Variants in TBC1D32 observed in about 807,000 individuals in gnomAD.
TBC1D32 encodes protein broad-minded.
TBC1D32 carries 151 observed loss-of-function variants against 170.3 expected under a neutral mutation model. The ratio of observed to expected loss-of-function variants is 0.89; its 90% CI spans 0.78 to 1.01. The LOEUF (loss-of-function observed/expected upper bound fraction) is 1.01. Among genes scored for constraint, TBC1D32 ranks in the 50% least tolerant of loss-of-function variants. The pLI, the probability that TBC1D32 is intolerant of heterozygous loss-of-function variation, is 0.00. For missense variants in TBC1D32, 1,464 were observed against 1,457.1 expected (o/e 1.00, Z -0.08); for synonymous variants, 498 against 488.0 (o/e 1.02, Z -0.27).
At chr6:121,276,285 G>A (rs921273391) in intron 15 of TBC1D32, among the ~76,000 whole-genome samples, 1 of 152,072 alleles carries the variant, frequency 6.6e-6, no homozygotes, top group Non-Finnish European at 1.5e-5. Context: ...TTCTTATAAG[G>A]TCATTGCGCT....
chr6:121,225,045 T>G lies in TBC1D32; in HGVS notation c.2365-1693A>C, dbSNP rs891546834. Reference sequence around the variant, plus strand: ...ATGCCTCTGTAAAGAGAACACTACATGAGAAGTATGCACTATAGAAAAGGA... The same window carrying G: ...ATGCCTCTGTAAAGAGAACACTACAGGAGAAGTATGCACTATAGAAAAGGA... On this transcript the variant is annotated intron_variant, in intron 20 of 31. Coordinates refer to ENST00000398212, the MANE Select transcript of TBC1D32 (RefSeq NM_152730.6). 3.9e-5 allele frequency among the ~76,000 whole-genome samples: 6 copies of G among 151,910 alleles called. 1 individual carries two copies. Among genetic ancestry groups the G allele is most frequent in the African/African-American group, 1.5e-4 (6 of 41,374 alleles).
chr6:121,297,453 A>T (rs983449858), intron 10 of TBC1D32, among the ~76,000 whole-genome samples: 5 of 152,156 alleles, frequency 3.3e-5, no homozygotes, highest in African/African-American at 4.8e-5. Flanking sequence ...AGCAGTAAAA[A>T]TGGCACTACA....
At chr6:121,308,387 G>C (rs1337601333) in intron 4 of TBC1D32, among the ~76,000 whole-genome samples, 1 of 151,966 alleles carries the variant, frequency 6.6e-6, no homozygotes, top group East Asian at 1.9e-4. Context: ...AAGAATGGTA[G>C]TTGAATCAGA....
chr6:121,242,977 T>A (rs1797178872), intron 17 of TBC1D32, among the ~76,000 whole-genome samples: 2 of 151,940 alleles, frequency 1.3e-5, no homozygotes, highest in Admixed American at 6.6e-5. Flanking sequence ...AATACCTAAT[T>A]ACTTTTTACT....
rs1798976002 is a variant in TBC1D32, at chr6:121,256,129, T to G, written c.1890A>C (p.Leu630Phe). 2 of 1,613,828 alleles carry G rather than the reference T, an allele frequency of 1.2e-6. No individual in the cohort carries two copies. The highest frequency in any genetic ancestry group is 1.7e-6 in the Non-Finnish European group (2 of 1,179,966). Reference protein sequence around the residue: ...IYSTCEGLQVLITYNLHESIA... With the variant: ...IYSTCEGLQVFITYNLHESIA... ...TAGATTCATGCAAATTATAAGTGAT[T>G]AACACCTGCAAACCTTCACATGTAC... Residue 630 changes from leucine (L) to phenylalanine (F), a missense_variant, in exon 16 of 32, where the codon TTA becomes TTC. Physicochemically the swap from Leu to Phe is conservative, Grantham distance 22. This residue lies in a region of TBC1D32 where 1,363 missense variants were observed against 1,338.1 expected (regional missense o/e 1.02). Transcript: ENST00000398212.
At chr6:121,101,141 C>T (rs930357181) in intron 30 of TBC1D32, among the ~76,000 whole-genome samples, 4 of 152,002 alleles carry the variant, frequency 2.6e-5, no homozygotes, top group African/African-American at 4.8e-5. Flanking sequence ...GATTCACAGC[C>T]GAATTCTACC....
intron 17 of TBC1D32, among the ~76,000 whole-genome samples, chr6:121,252,570 G>T (rs900867647): frequency 1.4e-4 from 21 of 152,086 alleles, no homozygotes; most frequent in African/African-American, 4.6e-4. Context: ...GGCCTCTCAG[G>T]GGGTGGAGAG....
Position 121,255,367 on chromosome 6 carries a change from G to T in TBC1D32, c.1979C>A (p.Ser660Tyr). ...SERIPTPVEGSDSVSSVSQES... is the reference protein window; with the variant it reads ...SERIPTPVEGYDSVSSVSQES... ...CTGGCTTACTGAAGAAACAGAATCA[G>T]AACCCTCTACTGGAGTAGGAATTCT... The change falls in exon 17 of 32, where the codon TCT becomes TAT. Residue 660 changes from serine (S) to tyrosine (Y), a missense_variant. Ser to Tyr is a moderately radical substitution (Grantham distance 144). This residue lies in a region of TBC1D32 where 1,363 missense variants were observed against 1,338.1 expected (regional missense o/e 1.02). Coordinates refer to ENST00000398212, the MANE Select transcript of TBC1D32 (RefSeq NM_152730.6). 6.5e-7 allele frequency: 1 copy of T among 1,549,360 alleles called. No homozygotes were observed. The highest frequency in any genetic ancestry group is 1.2e-5 in the South Asian group (1 of 80,280).
chr6:121,233,354 G>A (rs999459432), intron 20 of TBC1D32, among the ~76,000 whole-genome samples: 4 of 151,906 alleles, frequency 2.6e-5, no homozygotes, highest in Non-Finnish European at 5.9e-5. Flanking sequence ...TCATTTCTTA[G>A]GTCTACTAGT....
chr6:121,145,567 T>C (rs562151819), intron 24 of TBC1D32, among the ~76,000 whole-genome samples: 30 of 152,288 alleles, frequency 2.0e-4, no homozygotes, highest in South Asian at 1.7e-3. Flanking sequence ...TTATTAACAA[T>C]GTATTATATA....
intron 2 of TBC1D32, among the ~76,000 whole-genome samples, chr6:121,318,992 A>G (rs1809315933): frequency 6.6e-6 from 1 of 150,448 alleles, no homozygotes; most frequent in Non-Finnish European, 1.5e-5. Context: ...CTGAGATTTT[A>G]TATAAAAAGT....
intron 17 of TBC1D32, among the ~76,000 whole-genome samples, chr6:121,244,615 C>T (rs898313412): frequency 6.6e-6 from 1 of 152,152 alleles, no homozygotes; most frequent in South Asian, 2.1e-4. Flanking sequence ...TATTCATGCA[C>T]TTATTTTCTA....
intron 15 of TBC1D32, among the ~76,000 whole-genome samples, chr6:121,270,488 C>A (rs563490759): frequency 6.6e-6 from 1 of 152,134 alleles, no homozygotes; most frequent in South Asian, 2.1e-4. Context: ...AACACCTCTA[C>A]GCAAATAAAC....
intron 30 of TBC1D32, among the ~76,000 whole-genome samples, chr6:121,091,446 A>G (rs148092583): frequency 6.8e-4 from 103 of 152,290 alleles, no homozygotes; most frequent in Middle Eastern, 3.4e-3. Flanking sequence ...AATTATGCAG[A>G]TGACAGATTG....
intron 2 of TBC1D32, 75 bp downstream of exon 2, chr6:121,321,558 G>T: frequency 7.2e-7 from 1 of 1,382,260 alleles, no homozygotes; most frequent in Non-Finnish European, 1.0e-6. Context: ...AGACTGTGAG[G>T]GACAGAGATC....
intron 22 of TBC1D32, among the ~76,000 whole-genome samples, chr6:121,203,652 A>G (rs951922944): frequency 6.6e-6 from 1 of 151,304 alleles, no homozygotes; most frequent in Non-Finnish European, 1.5e-5. Context: ...TAAGGAAAAT[A>G]ATGTAATTAT....
rs766727154 is a variant in TBC1D32, at chr6:121,242,264, T to C, written c.2094A>G (p.Gln698=). 2 of 1,612,834 alleles carry C rather than the reference T, an allele frequency of 1.2e-6. No homozygotes were observed. The highest frequency in any genetic ancestry group is 2.2e-5 in the South Asian group (2 of 91,006). ...CACATTCATTGATAGCACCTGTTCTTTGAAGAAGTAGTAATCCTTTGGGGG... is the reference window on the plus strand; with the variant it reads ...CACATTCATTGATAGCACCTGTTCTCTGAAGAAGTAGTAATCCTTTGGGGG... ...AATPKGLLLL[Q]RTGAINECVT... The change falls in exon 18 of 32, where the codon CAA becomes CAG. Residue 698 remains glutamine (Q), a synonymous_variant. Coordinates refer to ENST00000398212, the MANE Select transcript of TBC1D32 (RefSeq NM_152730.6).
Position 121,303,737 on chromosome 6 carries a change from A to G in TBC1D32, c.960T>C (p.Ser320=), listed in dbSNP as rs757799694. 1 of 1,557,418 alleles carries G rather than the reference A, an allele frequency of 6.4e-7. No homozygotes were observed. The highest frequency in any genetic ancestry group is 1.2e-5 in the South Asian group (1 of 81,068). Residue 320 remains serine, a synonymous_variant, in exon 9 of 32, where the codon AGT becomes AGC. Coordinates refer to ENST00000398212, the MANE Select transcript of TBC1D32 (RefSeq NM_152730.6). ...GTTTAACTGTTAACAAGGACAAAGT[A>G]CTCTCCACAATTTCTTCCATATACC... ...PEKYMEEIVE[S]TLSLLTVKHN...
chr6:121,117,192 A>G (rs150913525), intron 26 of TBC1D32, among the ~76,000 whole-genome samples: 229 of 152,378 alleles, frequency 1.5e-3, no homozygotes, highest in African/African-American at 5.3e-3. Context: ...AATGTAGTGT[A>G]GCAAATTCTC....
Sources: allele counts gnomAD v4.1 joint callset (sites outside exome capture counted in the v4.1 genomes callset), GRCh38; gene constraint gnomAD v4.1.1; regional missense constraint gnomAD v4.1.1; transcripts MANE v1.5; gene names NCBI Gene and HGNC (gene_info 2026-07-23, HGNC 2026-07-21).